The following TECPR2 variants were observed in gnomAD, a reference collection of about 807,000 sequenced individuals.
TECPR2 encodes the protein tectonin beta-propeller repeat containing 2.
Under a neutral mutation model 138.1 loss-of-function variants are expected in TECPR2, and 65 were observed. That is an observed-to-expected ratio of 0.47 (90% confidence interval 0.39 to 0.58). The LOEUF is 0.58. Ranked by LOEUF, TECPR2 falls within the 20% of genes least tolerant of loss-of-function variation. The pLI, the probability that TECPR2 is intolerant of heterozygous loss-of-function variation, is 0.00. For missense variants in TECPR2, 1,553 were observed against 1,824.5 expected, an observed-to-expected ratio of 0.85 and a Z score of 2.71; for synonymous variants, 746 against 749.8, an observed-to-expected ratio of 0.99 and a Z score of 0.08.
At position 102,434,978 on chromosome 14, in the gene TECPR2, G is replaced by A; in HGVS notation, c.2161G>A (p.Val721Met). 6.2e-7 allele frequency: 1 copy of A among 1,614,152 alleles called. No individual in the cohort carries two copies. Among genetic ancestry groups the A allele is most frequent in the Non-Finnish European group, 8.5e-7 (1 of 1,180,040 alleles). ...CATTTCTGAACGTGTCTTGGGGAGT[G>A]TGGGAGGACAGCTGACTCCGGTCTC... The part of the protein sequence containing the change: ...IPISERVLGS[V>M]GGQLTPVSAL... The change falls in exon 9 of 20, where the codon GTG becomes ATG. Residue 721 changes from valine (V) to methionine (M), a missense_variant. Transcript: ENST00000359520.
chr14:102,496,968 C>T lies in TECPR2; in HGVS notation c.3790-11C>T, dbSNP rs189174008. ...CTCCTGCCTTCCCTGAAAGTCCCTT[C>T]CCGCTTCCAGCCCGCCGGGGTCAGC... On this transcript the variant is annotated splice_polypyrimidine_tract_variant and intron_variant, in intron 17 of 19. Transcript: ENST00000359520. 198 of 1,612,904 alleles carry T rather than the reference C, an allele frequency of 1.2e-4. 2 individuals are homozygous for T. The African/African-American group carries it at 2.3e-3, about 19-fold the overall frequency.
At chr14:102,483,525 T>C (rs1386467539) in intron 17 of TECPR2, among the ~76,000 whole-genome samples, 1 of 152,004 alleles carries the variant, frequency 6.6e-6, no homozygotes, top group Non-Finnish European at 1.5e-5. Context: ...CATTGTAGCT[T>C]TAAACTTCTG....
chr14:102,416,294 T>C (rs1482601227), intron 5 of TECPR2, among the ~76,000 whole-genome samples: 2 of 152,106 alleles, frequency 1.3e-5, no homozygotes, highest in African/African-American at 4.8e-5. Flanking sequence ...GCTAATTTTG[T>C]ATTTTTAGTA....
chr14:102,482,838 C>CTTT lies in TECPR2; in HGVS notation c.3790-14120_3790-14118dup, dbSNP rs758301929. ...TGCTACTGAGAAGCCAGAAGCCTTT[C>CTTT]TTTTTTTTTTTTTTTTTTTTTTTGA... On this transcript the variant is annotated intron_variant, in intron 17 of 19. Transcript: ENST00000359520. Among the ~76,000 whole-genome samples, 637 of 96,552 alleles carry CTTT rather than the reference C, an allele frequency of 6.6e-3. 12 individuals carry two copies. The highest frequency in any genetic ancestry group is 0.011 in the African/African-American group (275 of 24,886). The allele number at this position is 96,552 out of a possible 152,430, so 63.3% of individuals were successfully genotyped here. A position where few individuals can be genotyped will look rare whatever the true frequency, so the allele number is the denominator to read the frequency against.
Position 102,497,049 on chromosome 14 carries a change from G to A in TECPR2, c.3860G>A (p.Arg1287Lys). The change falls in exon 18 of 20, where the codon AGG becomes AAG. Residue 1287 changes from arginine to lysine, a missense_variant. Transcript: ENST00000359520. ...NDQMLWVLDS[R>K]WNVHVRTGIT... Reference sequence around the variant, plus strand: ...CAGATGCTGTGGGTGCTTGACAGCAGGTGGAACGTGCACGTGCGGACCGGG... The same window carrying A: ...CAGATGCTGTGGGTGCTTGACAGCAAGTGGAACGTGCACGTGCGGACCGGG... 8 of 1,613,992 alleles carry A rather than the reference G, an allele frequency of 5.0e-6. No individual in the cohort carries two copies. Among genetic ancestry groups the A allele is most frequent in the Non-Finnish European group, 6.8e-6 (8 of 1,180,032 alleles).
rs1227670267 is a variant in TECPR2, at chr14:102,438,069, C to T, written c.2442C>T (p.Leu814=). Residue 814 remains leucine, a synonymous_variant, in exon 10 of 20, where the codon CTC becomes CTT. Transcript: ENST00000359520. ...ACTCGGGTCCCGGCTATGGCATCCT[C>T]AGCTTGGTGGTCTCCGAGAAGTATA... ...MGYSGPGYGI[L]SLVVSEKYIW... is the part of the protein sequence containing the mutation. 2 of 1,614,186 alleles carry T rather than the reference C, an allele frequency of 1.2e-6. No individual in the cohort carries two copies. The highest frequency in any genetic ancestry group is 1.7e-6 in the Non-Finnish European group (2 of 1,180,028).
In TECPR2 at chr14:102,483,001, G is replaced by A. The variant is rs1275634922; in HGVS notation, c.3790-13978G>A. Reference sequence around the variant, plus strand: ...TGGGACTACAGGCGCCCGCTACCACGCCTGGCTAATTTTTTTTTTTTTTGT... The same window carrying A: ...TGGGACTACAGGCGCCCGCTACCACACCTGGCTAATTTTTTTTTTTTTTGT... On this transcript the variant is annotated intron_variant, in intron 17 of 19. Transcript: ENST00000359520. Among the ~76,000 whole-genome samples the A allele has an allele frequency of 5.6e-4, 84 of 151,066 alleles. 1 individual carries two copies. The highest frequency in any genetic ancestry group is 1.9e-3 in the African/African-American group (77 of 41,132).
chr14:102,399,774 C>T (rs1421018607), intron 2 of TECPR2, among the ~76,000 whole-genome samples: 1 of 150,340 alleles, frequency 6.7e-6, no homozygotes, highest in Non-Finnish European at 1.5e-5. Context: ...GAGGTTGTAG[C>T]GAACTGAGAT....
At chr14:102,455,325 C>T (rs768270879) in intron 16 of TECPR2, among the ~76,000 whole-genome samples, 25 of 152,188 alleles carry the variant, frequency 1.6e-4, no homozygotes, top group Non-Finnish European at 3.1e-4. Context: ...AATCAGACAG[C>T]AGTGGGTGCA....
chr14:102,464,221 C>T (rs1447851262), intron 16 of TECPR2, among the ~76,000 whole-genome samples: 1 of 152,204 alleles, frequency 6.6e-6, no homozygotes, highest in Non-Finnish European at 1.5e-5. Context: ...TGGCTGACAG[C>T]CTGTCCACAG....
intron 2 of TECPR2, among the ~76,000 whole-genome samples, chr14:102,394,083 T>C (rs1888251573): frequency 6.6e-6 from 1 of 152,210 alleles, no homozygotes; most frequent in Non-Finnish European, 1.5e-5. Flanking sequence ...TTCAAAGCAA[T>C]GCCAGTGAAT....
chr14:102,411,042 C>A (rs1279685618), intron 4 of TECPR2, among the ~76,000 whole-genome samples: 1 of 152,228 alleles, frequency 6.6e-6, no homozygotes, highest in Non-Finnish European at 1.5e-5. Context: ...ATATCCAGGC[C>A]ATCATCAATC....
At chr14:102,480,633 C>A (rs1319737259) in intron 17 of TECPR2, among the ~76,000 whole-genome samples, 1 of 152,038 alleles carries the variant, frequency 6.6e-6, no homozygotes, top group East Asian at 1.9e-4. Flanking sequence ...AATACTCCTG[C>A]CTCAGCCTCC....
At chr14:102,409,304 A>AT (rs545807038) in intron 4 of TECPR2, among the ~76,000 whole-genome samples, 3,255 of 144,714 alleles carry the variant, frequency 0.022, 39 homozygotes, top group Middle Eastern at 0.035. Flanking sequence ...GAATTCAGCA[A>AT]TTTTTTTTTT....
chr14:102,408,780 A>C (rs1465912164), intron 4 of TECPR2, among the ~76,000 whole-genome samples, 161 bp downstream of exon 4: 6 of 152,244 alleles, frequency 3.9e-5, no homozygotes, highest in Admixed American at 3.3e-4. Flanking sequence ...TATGTTTTAT[A>C]AGCTTCCACT....
intron 8 of TECPR2, among the ~76,000 whole-genome samples, chr14:102,432,641 C>T (rs1215451982): frequency 2.0e-5 from 3 of 151,940 alleles, no homozygotes; most frequent in African/African-American, 7.2e-5. Flanking sequence ...GTGATCTGCC[C>T]GCCTCGGCCT....
intron 2 of TECPR2, among the ~76,000 whole-genome samples, chr14:102,398,894 A>G (rs1888390626): frequency 6.6e-6 from 1 of 151,798 alleles, no homozygotes; most frequent in African/African-American, 2.4e-5. Flanking sequence ...TAAAAAAACA[A>G]ACTTCAGAGA....
intron 1 of TECPR2, among the ~76,000 whole-genome samples, chr14:102,364,663 A>G (rs1887294544): frequency 6.6e-6 from 1 of 152,192 alleles, no homozygotes; most frequent in Non-Finnish European, 1.5e-5. Context: ...GTCTTTTTCA[A>G]TAGAAGACTG....
intron 5 of TECPR2, among the ~76,000 whole-genome samples, chr14:102,422,112 C>T (rs930138860): frequency 1.3e-5 from 2 of 152,180 alleles, no homozygotes; most frequent in South Asian, 4.1e-4. Context: ...GCGATTACCC[C>T]ACAGCCCACC....
Sources: allele counts gnomAD v4.1 joint callset (sites outside exome capture counted in the v4.1 genomes callset), GRCh38; gene constraint gnomAD v4.1.1; transcripts MANE v1.5; gene names NCBI Gene and HGNC (gene_info 2026-07-23, HGNC 2026-07-21).